The following SNTB2 variants were observed in gnomAD, a reference collection of about 807,000 sequenced individuals.
SNTB2 encodes syntrophin beta 2, also known as beta-2-syntrophin.
In SNTB2, 34 loss-of-function variants were observed where a neutral mutation model predicts 46.2. The observed-to-expected ratio is 0.74, with a 90% CI of 0.56 to 0.98. The LOEUF is 0.98. SNTB2 is among the 50% of genes least tolerant of loss of function. The probability of loss-of-function intolerance (pLI) is 0.00; values close to 1 mark genes in which losing one functional copy is unlikely to be tolerated. For synonymous variants in SNTB2, 290 were observed against 312.6 expected (o/e 0.93, Z 0.76); for missense variants, 603 against 731.4 (o/e 0.82, Z 2.02).
At chr16:69,258,605 C>CTTTTTTTTTTTT (rs67116274) in intron 2 of SNTB2, among the ~76,000 whole-genome samples, 7 of 83,490 alleles carry the variant, frequency 8.4e-5, no homozygotes, top group African/African-American at 1.4e-4. Context: ...CTTGTTCTTT[C>CTTTTTTTTTTTT]TTTTTTTTTT....
At chr16:69,292,193 C>T (rs1179542686) in intron 5 of SNTB2, among the ~76,000 whole-genome samples, 7 of 148,254 alleles carry the variant, frequency 4.7e-5, no homozygotes, top group Non-Finnish European at 8.9e-5. Context: ...GCCAAGATCA[C>T]GCTATTGCAC....
intron 1 of SNTB2, among the ~76,000 whole-genome samples, chr16:69,190,603 A>G (rs1274639859): frequency 2.0e-5 from 3 of 152,170 alleles, no homozygotes; most frequent in Non-Finnish European, 4.4e-5. Flanking sequence ...TAGGTCCATC[A>G]TGGGAATCAG....
chr16:69,210,352 C>T (rs561983694), intron 1 of SNTB2, among the ~76,000 whole-genome samples: 1 of 150,650 alleles, frequency 6.6e-6, no homozygotes, highest in African/African-American at 2.4e-5. Context: ...ATTCTCCTGT[C>T]TCGGCCTCCC....
intron 1 of SNTB2, 27 bp downstream of exon 1, chr16:69,187,773 G>GGCC: frequency 2.7e-5 from 9 of 331,848 alleles, no homozygotes; most frequent in Non-Finnish European, 5.0e-5. Flanking sequence ...GGGAGGGTGG[G>GGCC]CAGGCCGCGG....
chr16:69,262,337 G>A (rs961158225), intron 3 of SNTB2, among the ~76,000 whole-genome samples: 41 of 151,728 alleles, frequency 2.7e-4, no homozygotes, highest in African/African-American at 7.7e-4. Flanking sequence ...ATGGAGTCTC[G>A]CTGTGTCAGC....
intron 1 of SNTB2, among the ~76,000 whole-genome samples, chr16:69,221,815 C>T (rs1964408210): frequency 6.6e-6 from 1 of 152,122 alleles, no homozygotes; most frequent in African/African-American, 2.4e-5. Context: ...GAACAATTCT[C>T]TTTGCAAATA....
intron 5 of SNTB2, among the ~76,000 whole-genome samples, chr16:69,294,604 G>T (rs999180686): frequency 6.6e-6 from 1 of 151,678 alleles, no homozygotes; most frequent in Non-Finnish European, 1.5e-5. Context: ...GTTGTGGTGC[G>T]CCCCTGTAGT....
intron 1 of SNTB2, among the ~76,000 whole-genome samples, chr16:69,200,422 A>C (rs1964150569): frequency 6.6e-6 from 1 of 152,220 alleles, no homozygotes; most frequent in African/African-American, 2.4e-5. Flanking sequence ...TGGAATACAC[A>C]TCAGATTACA....
intron 1 of SNTB2, among the ~76,000 whole-genome samples, chr16:69,245,195 G>C (rs1223747850): frequency 6.6e-6 from 1 of 151,992 alleles, no homozygotes; most frequent in East Asian, 1.9e-4. Context: ...TTTTTTGTTT[G>C]TTTGTTTGTT....
chr16:69,189,320 G>A (rs945113373), intron 1 of SNTB2, among the ~76,000 whole-genome samples: 2 of 152,136 alleles, frequency 1.3e-5, no homozygotes, highest in Non-Finnish European at 2.9e-5. Flanking sequence ...TACTCTAAAC[G>A]TGTACCTTGA....
rs1005167783 is a variant in SNTB2, at chr16:69,303,895, A to G, written c.*2971A>G. The G allele has an allele frequency of 1.3e-5, 2 of 152,278 alleles. No homozygotes were observed. Among genetic ancestry groups the G allele is most frequent in the Non-Finnish European group, 2.9e-5 (2 of 68,030 alleles). The allele number at this position is 152,278 out of a possible 1,614,324, so 9.4% of individuals were successfully genotyped here. A position where few individuals can be genotyped will look rare whatever the true frequency, so the allele number is the denominator to read the frequency against. The stretch of plus-strand genomic sequence containing the variant: ...TTTCATTTCTTTTTCATTTTGAATT[A>G]AGAAAATTGTTGAGGATGTGGTGGG... On this transcript the variant is annotated 3_prime_UTR_variant, in exon 7 of 7. Transcript: ENST00000336278.
intron 1 of SNTB2, among the ~76,000 whole-genome samples, chr16:69,197,698 T>A (rs1022378138): frequency 6.6e-6 from 1 of 152,240 alleles, no homozygotes; most frequent in East Asian, 1.9e-4. Flanking sequence ...AGTAAATCTT[T>A]GCCCAAATGA....
chr16:69,292,608 AT>A (rs555750337), intron 5 of SNTB2, among the ~76,000 whole-genome samples: 6,492 of 119,734 alleles, frequency 0.054, 202 homozygotes, highest in South Asian at 0.085. Context: ...TGCCCAGCTA[AT>A]TTTTTTTTTT....
intron 2 of SNTB2, among the ~76,000 whole-genome samples, chr16:69,249,232 C>T (rs115520805): frequency 0.023 from 3,473 of 151,962 alleles, 131 homozygotes; most frequent in African/African-American, 0.079. Flanking sequence ...TGCTACATTG[C>T]CCAGAGTGGT....
chr16:69,189,101 TG>T (rs1478729317), intron 1 of SNTB2, among the ~76,000 whole-genome samples: 1 of 152,180 alleles, frequency 6.6e-6, no homozygotes, highest in Admixed American at 6.5e-5. Flanking sequence ...TAAATCAGCT[TG>T]TGAATATTTG....
chr16:69,214,758 C>T (rs1183327131), intron 1 of SNTB2, among the ~76,000 whole-genome samples: 3 of 151,814 alleles, frequency 2.0e-5, no homozygotes, highest in African/African-American at 7.3e-5. Context: ...AACTCCTGAC[C>T]TCAGGTGATC....
intron 1 of SNTB2, among the ~76,000 whole-genome samples, chr16:69,225,673 G>A (rs1964451589): frequency 6.6e-6 from 1 of 152,146 alleles, no homozygotes; most frequent in African/African-American, 2.4e-5. Context: ...TATTCCTCAA[G>A]TAAATAACTT....
At chr16:69,292,419 T>TG (rs1965179178) in intron 5 of SNTB2, among the ~76,000 whole-genome samples, 1 of 2,026 alleles carries the variant, frequency 4.9e-4, no homozygotes, top group Non-Finnish European at 7.6e-4. Flanking sequence ...ATATATATAT[T>TG]ATATATATAT....
At chr16:69,277,654 A>G (rs550226583) in intron 4 of SNTB2, among the ~76,000 whole-genome samples, 15 of 152,222 alleles carry the variant, frequency 9.9e-5, no homozygotes, top group Non-Finnish European at 2.1e-4. Flanking sequence ...CTACATATTT[A>G]TGTGAGGCTG....
Sources: gnomAD v4.1 joint callset for allele counts (sites outside exome capture counted in the v4.1 genomes callset) on GRCh38, gnomAD v4.1.1 for gene constraint, MANE v1.5 for transcripts, NCBI Gene and HGNC (gene_info 2026-07-23, HGNC 2026-07-21) for gene names.